Variants in VIRMA observed in about 807,000 individuals in gnomAD.
The protein encoded by VIRMA is protein virilizer homolog.
Under a neutral mutation model 182.4 loss-of-function variants are expected in VIRMA, and 65 were observed. The ratio of observed to expected loss-of-function variants is 0.36; its 90% CI spans 0.29 to 0.44. The LOEUF is 0.44. VIRMA is among the 20% of genes least tolerant of loss of function. VIRMA has a pLI of 1.00. For missense variants in VIRMA, 1,752 were observed against 2,158.1 expected, an observed-to-expected ratio of 0.81 and a Z score of 3.73; for synonymous variants, 709 against 743.1, an observed-to-expected ratio of 0.95 and a Z score of 0.75.
At chr8:94,496,300 A>C (rs1169868693) in intron 18 of VIRMA, 28 bp downstream of exon 18, 1 of 1,595,638 alleles carries the variant, frequency 6.3e-7, no homozygotes. Flanking sequence ...AATAGGCCTT[A>C]AGAACGCTCT....
At chr8:94,509,266 T>A (rs1814268964) in intron 15 of VIRMA, among the ~76,000 whole-genome samples, 1 of 151,894 alleles carries the variant, frequency 6.6e-6, no homozygotes, top group South Asian at 2.1e-4. Flanking sequence ...CCAGGTGTGG[T>A]GGTGTGTGCC....
At chr8:94,529,423 T>G in intron 6 of VIRMA, 81 bp from the exon 7 acceptor site, 1 of 732,708 alleles carries the variant, frequency 1.4e-6, no homozygotes, top group Non-Finnish European at 2.3e-6. Context: ...TGGCAACTAC[T>G]TAATATTTTG....
chr8:94,493,571 C>A (rs1307688401), intron 20 of VIRMA, among the ~76,000 whole-genome samples: 1 of 152,192 alleles, frequency 6.6e-6, no homozygotes, highest in Admixed American at 6.5e-5. Context: ...TTGGACAGGG[C>A]AGACTACAAA....
In VIRMA at chr8:94,491,501, CCAT is replaced by C. The variant is rs1046822572; in HGVS notation, c.5140+74_5140+76del. ...GGAAAACTGTTTATCTGAATCTCTT[CCAT>C]CTAAATCACTTTCATTCAATATTTT... On this transcript the variant is annotated intron_variant, in intron 22 of 23. Coordinates refer to ENST00000297591, the MANE Select transcript of VIRMA (RefSeq NM_015496.5). 4 of 1,311,104 alleles carry C rather than the reference CCAT, an allele frequency of 3.1e-6. No individual in the cohort carries two copies. In the African/African-American group the frequency reaches 5.9e-5, roughly 19 times the overall value. The allele number at this position is 1,311,104 out of a possible 1,614,324, so 81.2% of individuals were successfully genotyped here. A position where few individuals can be genotyped will look rare whatever the true frequency, so the allele number is the denominator to read the frequency against.
At chr8:94,500,740 C>T (rs1337723434) in intron 16 of VIRMA, among the ~76,000 whole-genome samples, 1 of 151,176 alleles carries the variant, frequency 6.6e-6, no homozygotes, top group Non-Finnish European at 1.5e-5. Context: ...CCCAGTAACC[C>T]CACTCCTAAG....
At chr8:94,489,820 G>A (rs1813554222) in intron 23 of VIRMA, 119 bp downstream of exon 23, 3 of 1,093,850 alleles carry the variant, frequency 2.7e-6, no homozygotes, top group Non-Finnish European at 3.9e-6. Flanking sequence ...TTTTGACTGT[G>A]TGGAGCAAGG....
At chr8:94,540,461 C>CTTTTTTTTT (rs963429701) in intron 2 of VIRMA, among the ~76,000 whole-genome samples, 45 of 128,604 alleles carry the variant, frequency 3.5e-4, no homozygotes, top group Middle Eastern at 4.0e-3. Flanking sequence ...TTCTTCTTTT[C>CTTTTTTTTT]TTTTTTTTTT....
intron 22 of VIRMA, among the ~76,000 whole-genome samples, chr8:94,490,715 C>T (rs544666158): frequency 9.2e-5 from 14 of 151,962 alleles, no homozygotes; most frequent in African/African-American, 2.9e-4. Flanking sequence ...GGTGTGGTGG[C>T]GCATGCCTAT....
intron 16 of VIRMA, among the ~76,000 whole-genome samples, chr8:94,505,399 A>G (rs909881201): frequency 1.3e-5 from 2 of 152,130 alleles, no homozygotes; most frequent in African/African-American, 4.8e-5. Context: ...GCAAATAAAA[A>G]CATCAGGGCA....
intron 16 of VIRMA, among the ~76,000 whole-genome samples, 174 bp downstream of exon 16, chr8:94,506,326 A>G (rs1304750299): frequency 6.6e-6 from 1 of 152,222 alleles, no homozygotes; most frequent in Non-Finnish European, 1.5e-5. Flanking sequence ...AGATTCTATT[A>G]TTAGCATGAC....
chr8:94,511,710 T>C lies in VIRMA; in HGVS notation c.2865A>G (p.Lys955=). Residue 955 remains lysine, a synonymous_variant, in exon 13 of 24, where the codon AAA becomes AAG. Transcript: ENST00000297591. ...PPVEGQQKDL[K]WNLAVIQLFS... ...AAAGCTGAATAACGGCAAGATTCCA[T>C]TTCAGATCTTTCTGTTGACCTTTAT... The C allele has an allele frequency of 6.2e-7, 1 of 1,613,624 alleles. No individual in the cohort carries two copies. The highest frequency in any genetic ancestry group is 1.3e-5 in the African/African-American group (1 of 75,020).
At chr8:94,501,130 C>T (rs1813969422) in intron 16 of VIRMA, among the ~76,000 whole-genome samples, 1 of 151,666 alleles carries the variant, frequency 6.6e-6, no homozygotes, top group Non-Finnish European at 1.5e-5. Context: ...GTGGCAGGCG[C>T]CTGTAATCCC....
intron 20 of VIRMA, 30 bp from the exon 21 acceptor site, chr8:94,492,848 T>A: frequency 2.0e-6 from 3 of 1,529,466 alleles, no homozygotes; most frequent in Non-Finnish European, 2.7e-6. Flanking sequence ...ACAAAACACA[T>A]ATTAAATGTA....
intron 15 of VIRMA, among the ~76,000 whole-genome samples, chr8:94,509,472 G>A (rs1183208082): frequency 6.6e-6 from 1 of 151,522 alleles, no homozygotes; most frequent in Non-Finnish European, 1.5e-5. Flanking sequence ...TAAAAAATAC[G>A]GAAACACTGG....
chr8:94,518,004 A>T (rs998605243), intron 9 of VIRMA, 62 bp from the exon 10 acceptor site: 1 of 1,362,990 alleles, frequency 7.3e-7, no homozygotes, highest in Non-Finnish European at 1.0e-6. Context: ...AACAATTTTT[A>T]AAAATTTTCT....
At chr8:94,512,166 T>C (rs1586081059) in intron 11 of VIRMA, 77 bp from the exon 12 acceptor site, 2 of 549,152 alleles carry the variant, frequency 3.6e-6, no homozygotes, top group Non-Finnish European at 5.9e-6. Flanking sequence ...GACAAGGAAT[T>C]ACTTGAAAAT....
intron 4 of VIRMA, among the ~76,000 whole-genome samples, chr8:94,535,236 C>A (rs1815299445): frequency 6.6e-6 from 1 of 152,190 alleles, no homozygotes; most frequent in African/African-American, 2.4e-5. Context: ...CAGTCCTATG[C>A]TTTATGTCAA....
chr8:94,536,130 C>T (rs898746117), intron 4 of VIRMA, among the ~76,000 whole-genome samples: 4 of 151,810 alleles, frequency 2.6e-5, no homozygotes, highest in Non-Finnish European at 4.4e-5. Context: ...TCTGGAGGCA[C>T]GATAAGGAAA....
chr8:94,539,970 C>T (rs1446442407), intron 2 of VIRMA, among the ~76,000 whole-genome samples: 1 of 152,148 alleles, frequency 6.6e-6, no homozygotes, highest in Non-Finnish European at 1.5e-5. Flanking sequence ...ATTGCTGTCA[C>T]CTTGATACTG....
Sources: allele counts gnomAD v4.1 joint callset (sites outside exome capture counted in the v4.1 genomes callset), GRCh38; gene constraint gnomAD v4.1.1; transcripts MANE v1.5; gene names NCBI Gene and HGNC (gene_info 2026-07-23, HGNC 2026-07-21).